Variants in CRTC1 observed in about 807,000 individuals in gnomAD.
CRTC1 encodes the protein CREB regulated transcription coactivator 1.
A neutral mutation model predicts 66.1 loss-of-function variants in CRTC1; 18 were observed. The observed-to-expected ratio is 0.27, with a 90% CI of 0.19 to 0.40. The LOEUF is 0.40. Ranked by LOEUF, CRTC1 falls within the 10% of genes least tolerant of loss-of-function variation. The pLI, the probability that CRTC1 is intolerant of heterozygous loss-of-function variation, is 1.00. For synonymous variants in CRTC1, 416 were observed against 398.8 expected, an observed-to-expected ratio of 1.04 and a Z score of -0.51; for missense variants, 669 against 887.9, an observed-to-expected ratio of 0.75 and a Z score of 3.13.
intron 1 of CRTC1, among the ~76,000 whole-genome samples, chr19:18,729,582 T>G (rs1367346132): frequency 6.6e-6 from 1 of 151,864 alleles, no homozygotes; most frequent in Non-Finnish European, 1.5e-5. Flanking sequence ...GCGTCTCTAC[T>G]AAAAATAAAT....
At chr19:18,747,209 C>CT in intron 4 of CRTC1, 95 bp downstream of exon 4, 1 of 953,200 alleles carries the variant, frequency 1.0e-6, no homozygotes, top group South Asian at 1.5e-5. Flanking sequence ...GACACAGTCG[C>CT]TTAAACAATG....
chr19:18,719,915 T>G (rs2053586110), intron 1 of CRTC1, among the ~76,000 whole-genome samples: 1 of 152,206 alleles, frequency 6.6e-6, no homozygotes, highest in African/African-American at 2.4e-5. Context: ...CCCGTCCATG[T>G]GGGCAGCGTC....
chr19:18,779,786 T>C lies in CRTC1; in HGVS notation c.*2404T>C, dbSNP rs1260083046. ...TGACATTGTGTTAACGTGACGACCTTGGTCCATTATGGAGTTCTTTTTCCA... is the reference window on the plus strand; with the variant it reads ...TGACATTGTGTTAACGTGACGACCTCGGTCCATTATGGAGTTCTTTTTCCA... On this transcript the variant is annotated 3_prime_UTR_variant, in exon 14 of 14. Transcript: ENST00000321949. The C allele has an allele frequency of 9.0e-6, 2 of 223,458 alleles. No individual in the cohort carries two copies. The highest frequency in any genetic ancestry group is 1.8e-5 in the Non-Finnish European group (2 of 112,078). 13.8% of individuals were successfully genotyped at this position (223,458 alleles called of 1,614,324 possible). A position where few individuals can be genotyped will look rare whatever the true frequency, so the allele number is the denominator to read the frequency against.
chr19:18,765,617 C>A, intron 9 of CRTC1, 89 bp downstream of exon 9: 1 of 1,283,448 alleles, frequency 7.8e-7, no homozygotes, highest in Non-Finnish European at 1.1e-6. Flanking sequence ...CTGTTCCTTC[C>A]AGGAGGCCAC....
chr19:18,775,929 T>C lies in CRTC1; in HGVS notation c.1693+108T>C, dbSNP rs1451935246. The C allele has an allele frequency of 3.2e-6, 4 of 1,238,194 alleles. No individual in the cohort carries two copies. The East Asian group carries it at 7.7e-5, about 24-fold the overall frequency. The allele number at this position is 1,238,194 out of a possible 1,614,324, so 76.7% of individuals were successfully genotyped here. A position where few individuals can be genotyped will look rare whatever the true frequency, so the allele number is the denominator to read the frequency against. On this transcript the variant is annotated intron_variant, in intron 13 of 13. Transcript: ENST00000321949. The stretch of plus-strand genomic sequence containing the variant: ...GCAGGAGGGTTGACAGGGCCGGGGT[T>C]GTGACCCAAGCTTGATGGGGGCCTG...
intron 2 of CRTC1, among the ~76,000 whole-genome samples, chr19:18,743,306 G>A (rs963945103): frequency 3.9e-5 from 6 of 152,218 alleles, no homozygotes; most frequent in Non-Finnish European, 7.3e-5. Context: ...GTGCGGCAGC[G>A]GGAACCGCTC....
chr19:18,712,743 C>G (rs1046167169), intron 1 of CRTC1, among the ~76,000 whole-genome samples: 1 of 151,870 alleles, frequency 6.6e-6, no homozygotes. Flanking sequence ...GCAGATCGCT[C>G]GAGGTCAGGA....
In CRTC1 at chr19:18,749,895, GTGT is replaced by G. The variant is rs2054325672; in HGVS notation, c.538+21_538+23del. ...AAAGAGGTATGGACAGGGGACTCGG[GTGT>G]CTCTGCTGGGGTGAGGCAAGTCCAG... is the stretch of plus-strand genomic sequence containing the variant. On this transcript the variant is annotated intron_variant, in intron 5 of 13. Coordinates refer to ENST00000321949, the MANE Select transcript of CRTC1 (RefSeq NM_015321.3). 1 of 1,604,412 alleles carries G rather than the reference GTGT, an allele frequency of 6.2e-7. No individual in the cohort carries two copies. Among genetic ancestry groups the G allele is most frequent in the African/African-American group, 1.3e-5 (1 of 74,698 alleles).
rs746405028 is a variant in CRTC1 at position 18,780,474 on chromosome 19, C to G, written c.*3092C>G. The G allele has an allele frequency of 1.3e-5, 3 of 231,612 alleles. No individual in the cohort carries two copies. The highest frequency in any genetic ancestry group is 6.6e-5 in the African/African-American group (3 of 45,252). 14.3% of individuals were successfully genotyped at this position (231,612 alleles called of 1,614,324 possible). ...CAGGGCCCTGCTTGTGGGTTTTCGG[C>G]TCTGGGGAGGAGAGTGTTGGCATCA... On this transcript the variant is annotated 3_prime_UTR_variant, in exon 14 of 14. Transcript: ENST00000321949.
chr19:18,744,233 G>A, intron 2 of CRTC1: 1 of 1,439,778 alleles, frequency 6.9e-7, no homozygotes. Context: ...CGGGCGCTGG[G>A]GATCCCTGAG....
At position 18,775,138 on chromosome 19, in the gene CRTC1, C is replaced by T. The variant is rs543929482; in HGVS notation, c.1512+152C>T. The T allele has an allele frequency of 2.2e-5, 17 of 766,284 alleles. No individual in the cohort carries two copies. The South Asian group carries it at 2.8e-4, about 12-fold the overall frequency. 47.5% of individuals were successfully genotyped at this position (766,284 alleles called of 1,614,324 possible). On this transcript the variant is annotated intron_variant, in intron 12 of 13. Coordinates refer to ENST00000321949, the MANE Select transcript of CRTC1 (RefSeq NM_015321.3). The stretch of plus-strand genomic sequence containing the variant: ...CTTTGCCCCTCGGCCCCCGCCCCGT[C>T]CCATCTGCGGGCTATGGAGGCTGAG...
At chr19:18,759,622 T>C (rs773040574) in intron 7 of CRTC1, 31 bp downstream of exon 7, 2 of 1,606,608 alleles carry the variant, frequency 1.2e-6, no homozygotes, top group Admixed American at 3.4e-5. Flanking sequence ...CCCCGCACAC[T>C]GCATCTGCTG....
intron 1 of CRTC1, among the ~76,000 whole-genome samples, chr19:18,699,163 C>T (rs1242685435): frequency 6.6e-6 from 1 of 152,180 alleles, no homozygotes; most frequent in African/African-American, 2.4e-5. Flanking sequence ...GTCTCCAGTT[C>T]ATTCTGGAAT....
rs139529425 is a variant in CRTC1, at chr19:18,724,149, G to A, written c.127-18761G>A. On this transcript the variant is annotated intron_variant, in intron 1 of 13. Coordinates refer to ENST00000321949, the MANE Select transcript of CRTC1 (RefSeq NM_015321.3). ...AACCGGCGGGGCGGACAGGCTCCTC[G>A]GCAGCATCGACACGGCTCCCTCGTC... 2.2e-4 allele frequency among the ~76,000 whole-genome samples: 33 copies of A among 152,248 alleles called. 1 individual carries two copies. The highest frequency in any genetic ancestry group is 6.5e-4 in the African/African-American group (27 of 41,546).
rs1401366436 is a variant in CRTC1 at position 18,771,808 on chromosome 19, G to A, written c.1425+262G>A. 6.6e-6 allele frequency among the ~76,000 whole-genome samples: 1 copy of A among 152,194 alleles called. No individual in the cohort carries two copies. Among genetic ancestry groups the A allele is most frequent in the Non-Finnish European group, 1.5e-5 (1 of 68,024 alleles). On this transcript the variant is annotated intron_variant, in intron 11 of 13. Transcript: ENST00000321949. This position sits in a 1 kb window ranked among gnomAD's most constrained non-coding sequence, Gnocchi z 4.6. ...GGGGGTGTGCGTTAGTGACATTAGCGATGGCTGTGGCCCTGCCTGGATGTC... is the reference window on the plus strand; with the variant it reads ...GGGGGTGTGCGTTAGTGACATTAGCAATGGCTGTGGCCCTGCCTGGATGTC...
At chr19:18,686,074 G>A (rs1271629578) in intron 1 of CRTC1, among the ~76,000 whole-genome samples, 2 of 151,326 alleles carry the variant, frequency 1.3e-5, no homozygotes, top group Admixed American at 6.6e-5. Context: ...AAGAAACCCC[G>A]TCCCCATTAA....
At chr19:18,759,735 A>G in intron 7 of CRTC1, 144 bp downstream of exon 7, 6 of 930,990 alleles carry the variant, frequency 6.4e-6, no homozygotes, top group Non-Finnish European at 3.3e-6. Flanking sequence ...GAGCCCCCAC[A>G]TGCCCACCCC....
chr19:18,759,956 G>GCCAGCCCCCAGGCCCCGCCA, intron 7 of CRTC1, 52 bp from the exon 8 acceptor site: 1 of 1,221,322 alleles, frequency 8.2e-7, no homozygotes, highest in Non-Finnish European at 1.2e-6. Flanking sequence ...TGTCCCCGCC[G>GCCAGCCCCCAGGCCCCGCCA]CCAGCCCCGC....
chr19:18,683,712 T>A lies in CRTC1; in HGVS notation c.10T>A (p.Ser4Thr). 7.2e-7 allele frequency: 1 copy of A among 1,396,848 alleles called. No individual in the cohort carries two copies. The highest frequency in any genetic ancestry group is 1.5e-5 in the African/African-American group (1 of 65,326). 86.5% of individuals were successfully genotyped at this position (1,396,848 alleles called of 1,614,324 possible). A position where few individuals can be genotyped will look rare whatever the true frequency, so the allele number is the denominator to read the frequency against. Reference protein sequence around the residue: MATSNNPRKFSEKI... With the variant: MATTNNPRKFSEKI... ...AGGTGGCGGCGAGAAGATGGCGACT[T>A]CGAACAATCCGCGGAAATTCAGCGA... Residue 4 changes from serine to threonine, a missense_variant, in exon 1 of 14, where the codon TCG (serine) becomes ACG (threonine). Ser to Thr is a moderately conservative substitution (Grantham distance 58, BLOSUM62 1). This residue lies in a region of CRTC1 where 23 missense variants were observed against 30.6 expected (regional missense o/e 0.75). Transcript: ENST00000321949.
Sources: gnomAD v4.1 joint callset for allele counts (sites outside exome capture counted in the v4.1 genomes callset) on GRCh38, gnomAD v4.1.1 for gene constraint, gnomAD v4.1.1 regional missense constraint, Gnocchi (gnomAD v3.1) non-coding constraint, MANE v1.5 for transcripts, NCBI Gene and HGNC (gene_info 2026-07-23, HGNC 2026-07-21) for gene names.